The following SESN3 variants were observed in gnomAD, a reference collection of about 807,000 sequenced individuals.
The protein encoded by SESN3 is sestrin 3, also known as sestrin-3.
In SESN3, 21 loss-of-function variants were observed where a neutral mutation model predicts 55.3. The ratio of observed to expected loss-of-function variants is 0.38; its 90% confidence interval spans 0.27 to 0.55. The LOEUF is 0.55. Among genes scored for constraint, SESN3 ranks in the 20% least tolerant of loss-of-function variants. The pLI, the probability that SESN3 is intolerant of heterozygous loss-of-function variation, is 0.76. For missense variants in SESN3, 408 were observed against 604.3 expected (o/e 0.68, Z 3.41); for synonymous variants, 181 against 203.1 (o/e 0.89, Z 0.93).
intron 1 of SESN3, among the ~76,000 whole-genome samples, chr11:95,226,129 C>G (rs1411755518): frequency 1.3e-5 from 2 of 151,428 alleles, no homozygotes; most frequent in Non-Finnish European, 2.9e-5. Flanking sequence ...GAGTATTAAC[C>G]AAATTACTCA....
chr11:95,197,620 G>A (rs1860386636), intron 1 of SESN3, among the ~76,000 whole-genome samples: 1 of 151,542 alleles, frequency 6.6e-6, no homozygotes, highest in African/African-American at 2.4e-5. Flanking sequence ...TAACTTCTTT[G>A]ATCATTTACT....
In SESN3 at chr11:95,216,515, C is replaced by T. The variant is rs1388987705; in HGVS notation, c.78+14268G>A. Reference sequence around the variant, plus strand: ...AAATGAAAAATGAAATGCTTCAGCACATTGATGGCAACATTCTAGGTAATT... The same window carrying T: ...AAATGAAAAATGAAATGCTTCAGCATATTGATGGCAACATTCTAGGTAATT... On this transcript the variant is annotated intron_variant, in intron 1 of 9. Coordinates refer to ENST00000536441, the MANE Select transcript of SESN3 (RefSeq NM_144665.4). Among the ~76,000 whole-genome samples the T allele has an allele frequency of 2.6e-5, 4 of 152,146 alleles. No homozygotes were observed. The East Asian group carries it at 5.8e-4, about 22-fold the overall frequency.
chr11:95,173,193 T>C lies in SESN3; in HGVS notation c.*62A>G, dbSNP rs1461144247. ...TTTTTGATGCTATATCACAAATAGC[T>C]TCAATGTTTATCTTATGTGAAAGGT... On this transcript the variant is annotated 3_prime_UTR_variant, in exon 10 of 10. Transcript: ENST00000536441. 20 of 945,712 alleles carry C rather than the reference T, an allele frequency of 2.1e-5. No homozygotes were observed. The highest frequency in any genetic ancestry group is 3.3e-5 in the Non-Finnish European group (20 of 605,216). 58.6% of individuals were successfully genotyped at this position (945,712 alleles called of 1,614,324 possible).
At chr11:95,186,320 T>TAAAAC (rs1000118201) in intron 4 of SESN3, among the ~76,000 whole-genome samples, 8 of 151,258 alleles carry the variant, frequency 5.3e-5, no homozygotes, top group South Asian at 2.1e-4. Flanking sequence ...ACTTAATGGC[T>TAAAAC]AAAACAAAAC....
chr11:95,186,941 A>C (rs1860179261), intron 4 of SESN3, among the ~76,000 whole-genome samples: 1 of 151,770 alleles, frequency 6.6e-6, no homozygotes, highest in South Asian at 2.1e-4. Flanking sequence ...AAATTCTACC[A>C]CTCTAACTTT....
intron 4 of SESN3, among the ~76,000 whole-genome samples, chr11:95,188,439 A>G (rs906881379): frequency 3.3e-5 from 5 of 151,688 alleles, no homozygotes; most frequent in African/African-American, 4.8e-5. Flanking sequence ...CCATAACATA[A>G]CCCTGAAGAC....
chr11:95,179,103 T>G (rs1376193391), intron 6 of SESN3, among the ~76,000 whole-genome samples: 1 of 152,080 alleles, frequency 6.6e-6, no homozygotes. Flanking sequence ...AATATGCTAG[T>G]TTTACTAATT....
chr11:95,178,374 C>G (rs1389130222), intron 7 of SESN3, among the ~76,000 whole-genome samples: 1 of 152,178 alleles, frequency 6.6e-6, no homozygotes, highest in African/African-American at 2.4e-5. Context: ...AAGCCCATGA[C>G]TACTGGTATA....
intron 1 of SESN3, among the ~76,000 whole-genome samples, chr11:95,219,836 A>T (rs1392745538): frequency 6.6e-6 from 1 of 151,964 alleles, no homozygotes; most frequent in African/African-American, 2.4e-5. Flanking sequence ...TGAAGCGGTT[A>T]CTTGAATTTC....
chr11:95,222,682 C>G (rs2134268729), intron 1 of SESN3, among the ~76,000 whole-genome samples: 1 of 152,202 alleles, frequency 6.6e-6, no homozygotes, highest in South Asian at 2.1e-4. Flanking sequence ...GCAATAAATG[C>G]AGTGCAATTG....
chr11:95,202,652 T>C (rs1347403526), intron 1 of SESN3, among the ~76,000 whole-genome samples: 1 of 152,084 alleles, frequency 6.6e-6, no homozygotes, highest in Non-Finnish European at 1.5e-5. Flanking sequence ...CTGTTGAATA[T>C]GCTAGTAAAA....
intron 9 of SESN3, 115 bp from the exon 10 acceptor site, chr11:95,173,456 C>CACACA: frequency 6.0e-6 from 3 of 498,882 alleles, no homozygotes; most frequent in Non-Finnish European, 1.1e-5. Flanking sequence ...CACACACACA[C>CACACA]CTAGGCATAT....
Position 95,185,342 on chromosome 11 carries a change from G to C in SESN3, c.676C>G (p.Leu226Val), listed in dbSNP as rs776715016. The C allele has an allele frequency of 5.0e-6, 8 of 1,612,960 alleles. No homozygotes were observed. The highest frequency in any genetic ancestry group is 5.9e-6 in the Non-Finnish European group (7 of 1,179,266). Residue 226 changes from leucine to valine, a missense_variant, in exon 5 of 10, where the codon CTA becomes GTA. This residue lies in a region of SESN3 where 119 missense variants were observed against 139.9 expected (regional missense o/e 0.85). Transcript: ENST00000536441. ...ACGCAGAAATTGTTGACTGATATTA[G>C]CCTGAATCCATTGGAGATTTCTGGA... ...RDPEISNGFR[L>V]ISVNNFCVCD... is the part of the protein sequence containing the mutation.
At chr11:95,231,585 G>C (rs1861071276), upstream of SESN3, 1 of 154,946 alleles carries the variant, frequency 6.5e-6, no homozygotes, top group African/African-American at 2.4e-5. Context: ...TGAGGAGAAT[G>C]AGATAAATAG....
At chr11:95,177,610 A>T in intron 8 of SESN3, 109 bp downstream of exon 8, 1 of 659,320 alleles carries the variant, frequency 1.5e-6, no homozygotes, top group Non-Finnish European at 2.5e-6. Flanking sequence ...AGAAGTCTAC[A>T]TGTAATATTT....
intron 2 of SESN3, 99 bp downstream of exon 2, chr11:95,193,358 A>G: frequency 1.3e-6 from 1 of 746,808 alleles, no homozygotes; most frequent in Non-Finnish European, 2.3e-6. Context: ...ACTCAAAAGC[A>G]AAATTCATTC....
chr11:95,230,460 C>T lies in SESN3; in HGVS notation c.78+323G>A. The T allele has an allele frequency of 3.1e-6, 1 of 321,010 alleles. No individual in the cohort carries two copies. The highest frequency in any genetic ancestry group is 5.8e-6 in the Non-Finnish European group (1 of 172,784). 19.9% of individuals were successfully genotyped at this position (321,010 alleles called of 1,614,324 possible). A position where few individuals can be genotyped will look rare whatever the true frequency, so the allele number is the denominator to read the frequency against. On this transcript the variant is annotated intron_variant, in intron 1 of 9. Coordinates refer to ENST00000536441, the MANE Select transcript of SESN3 (RefSeq NM_144665.4). This position sits in a 1 kb window ranked among gnomAD's most constrained non-coding sequence, Gnocchi z 4.6. ...GGAGGAGGATCGAACGGATCCCTCCCGCCCTCCGCCCAAGGAGCCGACCCG... is the reference window on the plus strand; with the variant it reads ...GGAGGAGGATCGAACGGATCCCTCCTGCCCTCCGCCCAAGGAGCCGACCCG...
intron 9 of SESN3, 121 bp downstream of exon 9, chr11:95,175,377 G>T: frequency 2.3e-6 from 2 of 874,114 alleles, no homozygotes; most frequent in Non-Finnish European, 3.4e-6. Context: ...ATAGCTAGAT[G>T]ATGCCACTTC....
chr11:95,170,531 CTT>C lies in SESN3; in HGVS notation c.*2722_*2723del, dbSNP rs1310139252. 6.6e-6 allele frequency: 1 copy of C among 152,074 alleles called. No homozygotes were observed. The highest frequency in any genetic ancestry group is 1.5e-5 in the Non-Finnish European group (1 of 68,018). 9.4% of individuals were successfully genotyped at this position (152,074 alleles called of 1,614,324 possible). A position where few individuals can be genotyped will look rare whatever the true frequency, so the allele number is the denominator to read the frequency against. The stretch of plus-strand genomic sequence containing the variant: ...ATTATACCAATTGAACCAGATATCT[CTT>C]TTAAAAATATCACATTTTAATATAA... On this transcript the variant is annotated 3_prime_UTR_variant, in exon 10 of 10. Transcript: ENST00000536441.
Sources: allele counts gnomAD v4.1 joint callset (sites outside exome capture counted in the v4.1 genomes callset), GRCh38; gene constraint gnomAD v4.1.1; regional missense constraint gnomAD v4.1.1; non-coding constraint Gnocchi (gnomAD v3.1); transcripts MANE v1.5; gene names NCBI Gene and HGNC (gene_info 2026-07-23, HGNC 2026-07-21).